Variants in PCDHGA6 observed in about 807,000 individuals in gnomAD.
PCDHGA6 encodes the protein protocadherin gamma-A6.
Under a neutral mutation model 60.6 loss-of-function variants are expected in PCDHGA6, and 41 were observed. The ratio of observed to expected loss-of-function variants is 0.68; its 90% CI spans 0.53 to 0.88. PCDHGA6 has a LOEUF of 0.88. Ranked by LOEUF, PCDHGA6 falls within the 40% of genes least tolerant of loss-of-function variation. The pLI is 0.00. For missense variants in PCDHGA6, 1,312 were observed against 1,203.0 expected (o/e 1.09, Z -1.34); for synonymous variants, 594 against 524.4 (o/e 1.13, Z -1.81).
At chr5:141,419,394 G>A (rs778450240) in intron 1 of PCDHGA6, 2 of 1,613,612 alleles carry the variant, frequency 1.2e-6, no homozygotes, top group East Asian at 2.2e-5. Flanking sequence ...GCGCAGAGCG[G>A]GGTGGTGTTC....
intron 1 of PCDHGA6, chr5:141,385,245 G>A: frequency 6.2e-7 from 1 of 1,613,932 alleles, no homozygotes; most frequent in Non-Finnish European, 8.5e-7. Context: ...TCATCAGCCA[G>A]GAGAGCTGTG....
intron 1 of PCDHGA6, among the ~76,000 whole-genome samples, chr5:141,464,442 G>A (rs890758574): frequency 3.3e-5 from 5 of 151,500 alleles, no homozygotes; most frequent in African/African-American, 1.2e-4. Flanking sequence ...TATGTTTGTT[G>A]TTGTTGTTGT....
At chr5:141,459,499 G>A (rs2098968854) in intron 1 of PCDHGA6, among the ~76,000 whole-genome samples, 1 of 152,172 alleles carries the variant, frequency 6.6e-6, no homozygotes, top group Non-Finnish European at 1.5e-5. Context: ...TTAAAGTGAT[G>A]TGAACAATCA....
At chr5:141,390,327 T>G (rs377735930) in intron 1 of PCDHGA6, 172 of 1,603,116 alleles carry the variant, frequency 1.1e-4, no homozygotes, top group Non-Finnish European at 2.0e-5. Flanking sequence ...CCTACCCATT[T>G]CTCCATATTC....
chr5:141,415,761 T>A (rs1047830043), intron 1 of PCDHGA6: 2 of 1,399,648 alleles, frequency 1.4e-6, no homozygotes, highest in African/African-American at 3.0e-5. Context: ...TTTTTTTTTT[T>A]TTTTTTTTTT....
chr5:141,420,308 T>C (rs1486910909), intron 1 of PCDHGA6: 3 of 1,457,838 alleles, frequency 2.1e-6, no homozygotes, highest in Non-Finnish European at 9.2e-7. Context: ...ATCCTTTTTA[T>C]ATTACAATAT....
intron 1 of PCDHGA6, chr5:141,384,729 G>C: frequency 6.2e-7 from 1 of 1,614,122 alleles, no homozygotes; most frequent in Middle Eastern, 1.7e-4. Flanking sequence ...TCCTGCTTAA[G>C]GCCAGCGAGC....
chr5:141,421,322 T>TC (rs761059925), intron 1 of PCDHGA6: 24 of 1,613,746 alleles, frequency 1.5e-5, no homozygotes, highest in Middle Eastern at 1.6e-4. Flanking sequence ...GCCAGGCAGA[T>TC]CCGATATTCG....
chr5:141,393,019 G>A (rs1415257415), intron 1 of PCDHGA6: 1 of 1,613,746 alleles, frequency 6.2e-7, no homozygotes, highest in African/African-American at 1.3e-5. Flanking sequence ...ATCGTCTCCA[G>A]AGGTAGGACG....
rs1242637725 is a variant in PCDHGA6 at position 141,432,619 on chromosome 5, T to G, written c.2424+56112T>G. 3.1e-6 allele frequency: 5 copies of G among 1,612,618 alleles called. No homozygotes were observed. The highest frequency in any genetic ancestry group is 1.7e-5 in the Admixed American group (1 of 59,934). On this transcript the variant is annotated intron_variant, in intron 1 of 3. Transcript: ENST00000517434. This position sits in a 1 kb window ranked among gnomAD's most constrained non-coding sequence, Gnocchi z 6.0. ...GCGAGCCGGGACTCTTCTCGGTGGG[T>G]CTGCACACGGGCGAGGTGCGCACGG... is the stretch of plus-strand genomic sequence containing the variant.
chr5:141,502,308 C>T (rs928137926), intron 2 of PCDHGA6, among the ~76,000 whole-genome samples: 2 of 151,586 alleles, frequency 1.3e-5, no homozygotes, highest in Non-Finnish European at 2.9e-5. Flanking sequence ...CTTTCCTCTC[C>T]TTTAATCTGG....
At chr5:141,449,948 C>T (rs1294423807) in intron 1 of PCDHGA6, among the ~76,000 whole-genome samples, 1 of 151,034 alleles carries the variant, frequency 6.6e-6, no homozygotes, top group Non-Finnish European at 1.5e-5. Context: ...TTTTACTATA[C>T]CTCATAGTAA....
intron 1 of PCDHGA6, among the ~76,000 whole-genome samples, chr5:141,449,848 T>C (rs7713034): frequency 0.29 from 44,283 of 151,474 alleles, 7,514 homozygotes; most frequent in African/African-American, 0.48. Flanking sequence ...AATTAAATTT[T>C]AATAATAAAA....
rs560084217 is a variant in PCDHGA6 at position 141,395,247 on chromosome 5, G to A, written c.2424+18740G>A. On this transcript the variant is annotated intron_variant, in intron 1 of 3. Transcript: ENST00000517434. ...AGCTGATCATGGTCAGGTGAGTTTA[G>A]TTCTTTGCTTGCTTTTAATTTCCAG... 4 of 1,561,194 alleles carry A rather than the reference G, an allele frequency of 2.6e-6. No individual in the cohort carries two copies. The East Asian group carries it at 9.1e-5, about 35-fold the overall frequency.
chr5:141,426,971 G>A, intron 1 of PCDHGA6: 1 of 456,732 alleles, frequency 2.2e-6, no homozygotes, highest in South Asian at 1.5e-5. Context: ...TTCAAATTGA[G>A]GTCACTGATG....
chr5:141,433,939 A>T (rs1015984226), intron 1 of PCDHGA6, among the ~76,000 whole-genome samples: 2 of 151,714 alleles, frequency 1.3e-5, no homozygotes, highest in Non-Finnish European at 2.9e-5. Context: ...TTATAATTCC[A>T]TTGTTTCTTC....
rs1399250599 is a variant in PCDHGA6, at chr5:141,476,902, C to A, written c.2425-17905C>A. On this transcript the variant is annotated intron_variant, in intron 1 of 3. Coordinates refer to ENST00000517434, the MANE Select transcript of PCDHGA6 (RefSeq NM_018919.3). The surrounding 1 kb of genome is among the most constrained non-coding windows in gnomAD (Gnocchi z 7.6). ...TGGAGGATGCACCCTCCGGCACGCG[C>A]GTGGTACAAGTCCTTGCAACGGATC... 5 of 1,613,880 alleles carry A rather than the reference C, an allele frequency of 3.1e-6. No individual in the cohort carries two copies. Among genetic ancestry groups the A allele is most frequent in the South Asian group, 1.1e-5 (1 of 91,090 alleles).
At chr5:141,467,939 A>G (rs2099154812) in intron 1 of PCDHGA6, among the ~76,000 whole-genome samples, 2 of 152,190 alleles carry the variant, frequency 1.3e-5, no homozygotes, top group Admixed American at 6.5e-5. Context: ...GATTACAAGC[A>G]TGAGCCACCA....
chr5:141,482,363 G>C (rs2099556985), intron 1 of PCDHGA6, among the ~76,000 whole-genome samples: 1 of 152,086 alleles, frequency 6.6e-6, no homozygotes, highest in African/African-American at 2.4e-5. Flanking sequence ...AGAGTGAAAA[G>C]TAATGCATAT....
Sources: allele counts gnomAD v4.1 joint callset (sites outside exome capture counted in the v4.1 genomes callset), GRCh38; gene constraint gnomAD v4.1.1; non-coding constraint Gnocchi (gnomAD v3.1); transcripts MANE v1.5; gene names NCBI Gene and HGNC (gene_info 2026-07-23, HGNC 2026-07-21).